Variants in NR4A3 observed in about 807,000 individuals in gnomAD.
NR4A3 encodes the protein nuclear receptor subfamily 4 group A member 3, also known as chondrosarcoma, extraskeletal myxoid, fused to EWS.
In NR4A3, 13 loss-of-function variants were observed where a neutral mutation model predicts 55.6. The ratio of observed to expected loss-of-function variants is 0.23; its 90% CI spans 0.15 to 0.37. NR4A3 has a LOEUF of 0.37. Ranked by LOEUF, NR4A3 falls within the 10% of genes least tolerant of loss-of-function variation. NR4A3 has a pLI of 1.00. For synonymous variants in NR4A3, 342 were observed against 357.9 expected (o/e 0.96, Z 0.50); for missense variants, 646 against 822.8 (o/e 0.79, Z 2.63).
chr9:99,826,012 G>A (rs1827289429), intron 2 of NR4A3, among the ~76,000 whole-genome samples, 180 bp downstream of exon 2: 1 of 152,232 alleles, frequency 6.6e-6, no homozygotes, highest in Non-Finnish European at 1.5e-5. Flanking sequence ...ACACCCTGTT[G>A]CTACTGAGTG....
At chr9:99,845,081 A>T (rs772460420) in intron 6 of NR4A3, among the ~76,000 whole-genome samples, 2 of 152,196 alleles carry the variant, frequency 1.3e-5, no homozygotes, top group Non-Finnish European at 2.9e-5. Context: ...TGAGCAGGTC[A>T]CTTGCCTGAC....
chr9:99,822,747 G>C lies in NR4A3; in HGVS notation c.-177+340G>C, dbSNP rs936425797. 1.3e-5 allele frequency among the ~76,000 whole-genome samples: 2 copies of C among 151,738 alleles called. No individual in the cohort carries two copies. Among genetic ancestry groups the C allele is most frequent in the African/African-American group, 2.4e-5 (1 of 41,144 alleles). ...TAGTTGTCATGGTAATGATGCTCTC[G>C]GCGGCGGCGGCGGCGGCGGCAGCGG... On this transcript the variant is annotated intron_variant, in intron 1 of 7. Transcript: ENST00000395097. The surrounding 1 kb of genome is among the most constrained non-coding windows in gnomAD (Gnocchi z 4.9).
chr9:99,836,970 A>G (rs1291089620), intron 5 of NR4A3, among the ~76,000 whole-genome samples: 1 of 152,158 alleles, frequency 6.6e-6, no homozygotes, highest in African/African-American at 2.4e-5. Flanking sequence ...GATGTTGAGC[A>G]TTTTTAAACA....
At chr9:99,849,647 A>G (rs1409263915) in intron 7 of NR4A3, among the ~76,000 whole-genome samples, 2 of 152,224 alleles carry the variant, frequency 1.3e-5, no homozygotes, top group East Asian at 3.8e-4. Context: ...AGTTTAGTTC[A>G]TTTTAAAAAG....
chr9:99,851,343 G>C (rs905181548), intron 7 of NR4A3, among the ~76,000 whole-genome samples: 2 of 152,114 alleles, frequency 1.3e-5, no homozygotes, highest in African/African-American at 4.8e-5. Flanking sequence ...TTCTGAATAA[G>C]CTTCGTTGAT....
At chr9:99,851,066 T>C (rs1198925130) in intron 7 of NR4A3, among the ~76,000 whole-genome samples, 1 of 152,226 alleles carries the variant, frequency 6.6e-6, no homozygotes, top group Non-Finnish European at 1.5e-5. Context: ...CCAAGTGCTC[T>C]ACAGTGGTGT....
At chr9:99,840,670 T>A (rs1304578612) in intron 5 of NR4A3, among the ~76,000 whole-genome samples, 1 of 151,954 alleles carries the variant, frequency 6.6e-6, no homozygotes, top group Non-Finnish European at 1.5e-5. Flanking sequence ...CTCAGAGAGG[T>A]TAAATGCCTT....
intron 5 of NR4A3, among the ~76,000 whole-genome samples, chr9:99,841,210 A>G (rs1017844819): frequency 1.3e-5 from 2 of 149,748 alleles, no homozygotes; most frequent in African/African-American, 5.0e-5. Flanking sequence ...CAGCCTGGCA[A>G]CAGAGCAAGA....
chr9:99,852,928 AC>A (rs1827875181), intron 7 of NR4A3, among the ~76,000 whole-genome samples: 1 of 152,228 alleles, frequency 6.6e-6, no homozygotes, highest in South Asian at 2.1e-4. Flanking sequence ...GCCATCAGCT[AC>A]ATTGCAAGGA....
chr9:99,836,050 CTAAAT>C (rs1827553933), intron 5 of NR4A3, among the ~76,000 whole-genome samples: 1 of 152,140 alleles, frequency 6.6e-6, no homozygotes, highest in Admixed American at 6.5e-5. Context: ...CCCAAATCAA[CTAAAT>C]TAAAAGACTT....
At chr9:99,829,480 A>T (rs1827397409) in intron 3 of NR4A3, among the ~76,000 whole-genome samples, 1 of 152,170 alleles carries the variant, frequency 6.6e-6, no homozygotes, top group Admixed American at 6.5e-5. Context: ...CAGTGTTTTA[A>T]AACAGTGTTT....
At position 99,828,067 on chromosome 9, in the gene NR4A3, A is replaced by G. The variant is rs745430984; in HGVS notation, c.25A>G (p.Ser9Gly). Residue 9 changes from serine to glycine, a missense_variant, in exon 3 of 8, where the codon AGC becomes GGC. By Grantham distance (56) the Ser-to-Gly change is moderately conservative. Transcript: ENST00000395097. This position sits in a 1 kb window ranked among gnomAD's most constrained non-coding sequence, Gnocchi z 7.7. ...TATGCCCTGCGTCCAAGCCCAATAT[A>G]GCCCTTCCCCTCCAGGTTCCAGTTA... is the stretch of plus-strand genomic sequence containing the variant. MPCVQAQY[S>G]PSPPGSSYAA... is the part of the protein sequence containing the mutation. 1 of 1,613,932 alleles carries G rather than the reference A, an allele frequency of 6.2e-7. No individual in the cohort carries two copies. The highest frequency in any genetic ancestry group is 1.1e-5 in the South Asian group (1 of 91,068).
intron 4 of NR4A3, 130 bp downstream of exon 4, chr9:99,832,948 CAT>C (rs1445485543): frequency 2.6e-6 from 2 of 773,872 alleles, no homozygotes; most frequent in Non-Finnish European, 3.9e-6. Context: ...TTATTTTTAT[CAT>C]ATATATCTAC....
intron 7 of NR4A3, among the ~76,000 whole-genome samples, chr9:99,855,142 G>A (rs1420517095): frequency 6.6e-6 from 1 of 151,408 alleles, no homozygotes; most frequent in Admixed American, 6.6e-5. Flanking sequence ...GTCTGTTGTT[G>A]GTGTATAAGA....
Position 99,858,005 on chromosome 9 carries a change from T to C in NR4A3, c.1634-5615T>C, listed in dbSNP as rs992442682. On this transcript the variant is annotated intron_variant, in intron 7 of 7. Transcript: ENST00000395097. ...TATGTATCAATTTAACAGATATTTATTGGGTGTCTCCTATGTACTAGGCTT... is the reference window on the plus strand; with the variant it reads ...TATGTATCAATTTAACAGATATTTACTGGGTGTCTCCTATGTACTAGGCTT... 7.2e-5 allele frequency among the ~76,000 whole-genome samples: 11 copies of C among 152,294 alleles called. No individual in the cohort carries two copies. In the East Asian group the frequency reaches 2.1e-3, roughly 29 times the overall value.
intron 1 of NR4A3, among the ~76,000 whole-genome samples, chr9:99,823,286 C>G (rs1827218739): frequency 6.6e-6 from 1 of 151,920 alleles, no homozygotes; most frequent in Non-Finnish European, 1.5e-5. Context: ...GTCATGCGAG[C>G]GCAGCCTGCG....
In NR4A3 at chr9:99,866,675, C is replaced by G. The variant is rs572406187; in HGVS notation, c.*2808C>G. ...TTCCTCCCCTTGGCGGGAGAGCTCT[C>G]TCAGTGTGAACATGCCTTCTGTGGG... On this transcript the variant is annotated 3_prime_UTR_variant, in exon 8 of 8. Coordinates refer to ENST00000395097, the MANE Select transcript of NR4A3 (RefSeq NM_006981.4). 8.9e-6 allele frequency: 2 copies of G among 224,602 alleles called. No individual in the cohort carries two copies. The highest frequency in any genetic ancestry group is 4.5e-5 in the African/African-American group (2 of 44,844). The allele number at this position is 224,602 out of a possible 1,614,324, so 13.9% of individuals were successfully genotyped here.
At chr9:99,855,560 T>C (rs1827915418) in intron 7 of NR4A3, among the ~76,000 whole-genome samples, 1 of 152,288 alleles carries the variant, frequency 6.6e-6, no homozygotes, top group Non-Finnish European at 1.5e-5. Flanking sequence ...AGACACATAC[T>C]CTACCAAATC....
At position 99,825,755 on chromosome 9, in the gene NR4A3, CG is replaced by C. The variant is rs1404208773; in HGVS notation, c.-79del. The C allele has an allele frequency of 6.0e-6, 1 of 165,602 alleles. No individual in the cohort carries two copies. The highest frequency in any genetic ancestry group is 2.4e-5 in the African/African-American group (1 of 41,830). 10.3% of individuals were successfully genotyped at this position (165,602 alleles called of 1,614,324 possible). ...ACTGCCGGCGCTTCGCCTCGCCGGA[CG>C]TCCGCTCCTCCTACACTCTCAGCCT... On this transcript the variant is annotated 5_prime_UTR_variant, in exon 2 of 8. Coordinates refer to ENST00000395097, the MANE Select transcript of NR4A3 (RefSeq NM_006981.4). This position sits in a 1 kb window ranked among gnomAD's most constrained non-coding sequence, Gnocchi z 5.0.
Sources: gnomAD v4.1 joint callset for allele counts (sites outside exome capture counted in the v4.1 genomes callset) on GRCh38, gnomAD v4.1.1 for gene constraint, Gnocchi (gnomAD v3.1) non-coding constraint, MANE v1.5 for transcripts, NCBI Gene and HGNC (gene_info 2026-07-23, HGNC 2026-07-21) for gene names.